Variants in TRPM7 observed in about 807,000 individuals in gnomAD.
The protein encoded by TRPM7 is transient receptor potential cation channel subfamily M member 7.
TRPM7 carries 134 observed loss-of-function variants against 229.7 expected under a neutral mutation model. The ratio of observed to expected loss-of-function variants is 0.58; its 90% CI spans 0.51 to 0.67. The LOEUF (loss-of-function observed/expected upper bound fraction) is 0.67. Ranked by LOEUF, TRPM7 falls within the 30% of genes least tolerant of loss-of-function variation. The pLI, the probability that TRPM7 is intolerant of heterozygous loss-of-function variation, is 0.00. For missense variants in TRPM7, 1,901 were observed against 2,210.0 expected, an observed-to-expected ratio of 0.86 and a Z score of 2.80; for synonymous variants, 699 against 715.2, an observed-to-expected ratio of 0.98 and a Z score of 0.36.
At chr15:50,682,859 A>C (rs2062272265) in intron 1 of TRPM7, among the ~76,000 whole-genome samples, 1 of 151,904 alleles carries the variant, frequency 6.6e-6, no homozygotes, top group African/African-American at 2.4e-5. Context: ...TTATGTCCTA[A>C]ACTAACCTCA....
intron 2 of TRPM7, 60 bp from the exon 3 acceptor site, chr15:50,657,879 TA>T: frequency 7.3e-7 from 1 of 1,367,202 alleles, no homozygotes; most frequent in Non-Finnish European, 1.0e-6. Context: ...GATTTTAAAG[TA>T]TATAAAATAC....
chr15:50,569,492 CTT>C (rs1231908936), intron 38 of TRPM7, among the ~76,000 whole-genome samples: 1 of 152,134 alleles, frequency 6.6e-6, no homozygotes, highest in Non-Finnish European at 1.5e-5. Flanking sequence ...AAGGGACCTG[CTT>C]ACATGTTCTA....
chr15:50,682,173 C>CAAAAAAAAA (rs34590459), intron 1 of TRPM7, among the ~76,000 whole-genome samples: 6,956 of 62,450 alleles, frequency 0.11, 668 homozygotes, highest in East Asian at 0.3. Flanking sequence ...AACTCAGTCT[C>CAAAAAAAAA]AAAAAAAAAA....
intron 14 of TRPM7, 133 bp downstream of exon 14, chr15:50,613,990 A>G (rs2060141576): frequency 7.5e-7 from 1 of 1,331,138 alleles, no homozygotes; most frequent in South Asian, 1.5e-5. Context: ...TAATATTTCT[A>G]ATTGCTCTTA....
intron 1 of TRPM7, among the ~76,000 whole-genome samples, chr15:50,683,984 C>T (rs748115385): frequency 2.0e-5 from 3 of 151,730 alleles, no homozygotes; most frequent in Admixed American, 6.6e-5. Context: ...CTCAGCCTCA[C>T]GAGTAGCTGG....
chr15:50,663,270 A>G (rs2061781495), intron 1 of TRPM7, among the ~76,000 whole-genome samples: 1 of 152,130 alleles, frequency 6.6e-6, no homozygotes, highest in African/African-American at 2.4e-5. Context: ...CTGGCAGTAC[A>G]GGCATGTGCC....
intron 9 of TRPM7, among the ~76,000 whole-genome samples, chr15:50,632,451 T>C (rs1357290605): frequency 2.0e-5 from 3 of 152,224 alleles, no homozygotes; most frequent in African/African-American, 7.2e-5. Flanking sequence ...ATTTTATCTC[T>C]GAAAACTTAT....
At chr15:50,655,497 A>G (rs2061539475) in intron 3 of TRPM7, among the ~76,000 whole-genome samples, 1 of 151,964 alleles carries the variant, frequency 6.6e-6, no homozygotes, top group Admixed American at 6.6e-5. Context: ...GAACGTGCAA[A>G]TATTTACGCA....
chr15:50,591,346 T>TCA (rs2059487291), intron 26 of TRPM7, among the ~76,000 whole-genome samples: 1 of 152,208 alleles, frequency 6.6e-6, no homozygotes, highest in Non-Finnish European at 1.5e-5. Context: ...TACTTAAGAA[T>TCA]CACTTAGGTT....
At chr15:50,589,939 C>A (rs1336336492) in intron 26 of TRPM7, among the ~76,000 whole-genome samples, 1 of 151,984 alleles carries the variant, frequency 6.6e-6, no homozygotes, top group African/African-American at 2.4e-5. Context: ...CTCACTTCAA[C>A]CTCTGCCTCC....
chr15:50,623,514 G>A (rs2060477473), intron 12 of TRPM7, among the ~76,000 whole-genome samples: 1 of 137,414 alleles, frequency 7.3e-6, no homozygotes, highest in African/African-American at 2.9e-5. Flanking sequence ...CCCTGGATTT[G>A]GGGGGCAATA....
chr15:50,614,820 G>A (rs905819800), intron 13 of TRPM7, among the ~76,000 whole-genome samples: 1 of 152,078 alleles, frequency 6.6e-6, no homozygotes, highest in African/African-American at 2.4e-5. Flanking sequence ...ACAGGAGTAT[G>A]ACCTAAAGCA....
chr15:50,632,795 C>A (rs1469875185), intron 9 of TRPM7, 74 bp downstream of exon 9: 7 of 1,333,014 alleles, frequency 5.3e-6, no homozygotes, highest in Non-Finnish European at 7.0e-6. Context: ...AAGTATTTCA[C>A]CAGTTTAGAA....
chr15:50,593,611 C>CT lies in TRPM7; in HGVS notation c.3608+5dup. The stretch of plus-strand genomic sequence containing the variant: ...ATAACCGATTTTAACTAAAGGGCTT[C>CT]TGAACCTTTCAAAAGTGACACGAAT... On this transcript the variant is annotated splice_donor_region_variant and intron_variant, in intron 25 of 38. Coordinates refer to ENST00000646667, the MANE Select transcript of TRPM7 (RefSeq NM_017672.6). 2 of 1,611,046 alleles carry CT rather than the reference C, an allele frequency of 1.2e-6. No homozygotes were observed.
At chr15:50,617,566 T>G (rs2060263010) in intron 13 of TRPM7, among the ~76,000 whole-genome samples, 1 of 152,042 alleles carries the variant, frequency 6.6e-6, no homozygotes. Context: ...AGTTTAGTAT[T>G]AAATCAGTTA....
At chr15:50,561,901 A>G in intron 38 of TRPM7, 93 bp from the exon 39 acceptor site, 2 of 1,286,906 alleles carry the variant, frequency 1.6e-6, no homozygotes, top group Non-Finnish European at 2.1e-6. Context: ...GGAACCTTTT[A>G]TTTTCTTTTC....
At chr15:50,617,771 C>A (rs1301642944) in intron 13 of TRPM7, among the ~76,000 whole-genome samples, 1 of 152,112 alleles carries the variant, frequency 6.6e-6, no homozygotes, top group Non-Finnish European at 1.5e-5. Flanking sequence ...CAGTGCCCCC[C>A]ACACCCCCAC....
At chr15:50,679,757 A>G in intron 1 of TRPM7, among the ~76,000 whole-genome samples, 1 of 149,326 alleles carries the variant, frequency 6.7e-6, no homozygotes. Flanking sequence ...CTGGTCTCAA[A>G]CTCCTAGCTT....
intron 4 of TRPM7, among the ~76,000 whole-genome samples, chr15:50,646,001 C>T (rs1283452370): frequency 6.6e-6 from 1 of 151,600 alleles, no homozygotes; most frequent in Non-Finnish European, 1.5e-5. Context: ...TCTGTAATCC[C>T]AGCTACTCGG....
Sources: gnomAD v4.1 joint callset for allele counts (sites outside exome capture counted in the v4.1 genomes callset) on GRCh38, gnomAD v4.1.1 for gene constraint, MANE v1.5 for transcripts, NCBI Gene and HGNC (gene_info 2026-07-23, HGNC 2026-07-21) for gene names.